Variants in GBE1 observed in about 807,000 individuals in gnomAD.
GBE1 encodes the protein 1,4-alpha-glucan-branching enzyme.
GBE1 carries 70 observed loss-of-function variants against 88.8 expected under a neutral mutation model. The ratio of observed to expected loss-of-function variants is 0.79; its 90% CI spans 0.65 to 0.96. GBE1 has a LOEUF of 0.96. GBE1 is among the 40% of genes least tolerant of loss of function. The pLI is 0.00. For synonymous variants in GBE1, 284 were observed against 300.1 expected, an observed-to-expected ratio of 0.95 and a Z score of 0.56; for missense variants, 872 against 871.0, an observed-to-expected ratio of 1.00 and a Z score of -0.01.
At chr3:81,609,386 T>C (rs376612135) in intron 7 of GBE1, among the ~76,000 whole-genome samples, 1 of 152,136 alleles carries the variant, frequency 6.6e-6, no homozygotes, top group South Asian at 2.1e-4. Context: ...GACTGGAACA[T>C]TGGTCTACAT....
intron 7 of GBE1, among the ~76,000 whole-genome samples, chr3:81,622,169 T>C (rs942882302): frequency 1.3e-5 from 2 of 152,180 alleles, no homozygotes; most frequent in Admixed American, 6.5e-5. Flanking sequence ...CACTTTCCAT[T>C]TTCTTCTTAA....
At chr3:81,671,443 T>C (rs1705188123) in intron 2 of GBE1, among the ~76,000 whole-genome samples, 1 of 152,002 alleles carries the variant, frequency 6.6e-6, no homozygotes, top group Non-Finnish European at 1.5e-5. Flanking sequence ...GAAGGTTATA[T>C]AAAGTATAGG....
At chr3:81,650,274 A>G (rs1704826752) in intron 3 of GBE1, 1 of 181,930 alleles carries the variant, frequency 5.5e-6, no homozygotes, top group Admixed American at 6.4e-5. Flanking sequence ...GGAGAAAATC[A>G]TCCTACTCCA....
chr3:81,654,494 C>A (rs1039570655), intron 3 of GBE1: 1 of 152,090 alleles, frequency 6.6e-6, no homozygotes, highest in Non-Finnish European at 1.5e-5. Context: ...TAACTGTTAG[C>A]ATATTTTGAA....
intron 1 of GBE1, among the ~76,000 whole-genome samples, chr3:81,754,756 G>A (rs767190288): frequency 6.6e-6 from 1 of 152,106 alleles, no homozygotes; most frequent in Non-Finnish European, 1.5e-5. Flanking sequence ...ATGGTGCTGG[G>A]AAAACTGGAT....
intron 14 of GBE1, among the ~76,000 whole-genome samples, chr3:81,524,168 C>CT (rs1201076109): frequency 2.0e-5 from 3 of 151,840 alleles, no homozygotes; most frequent in Non-Finnish European, 4.4e-5. Context: ...TCGTTACTGC[C>CT]TGTCTTTTGG....
intron 1 of GBE1, among the ~76,000 whole-genome samples, chr3:81,706,939 TAAAGAA>T (rs1705785103): frequency 6.6e-6 from 1 of 150,506 alleles, no homozygotes; most frequent in Non-Finnish European, 1.5e-5. Flanking sequence ...TTGAAATAAT[TAAAGAA>T]AAACAATGAA....
At chr3:81,579,905 A>C (rs1286095172) in intron 11 of GBE1, among the ~76,000 whole-genome samples, 1 of 152,168 alleles carries the variant, frequency 6.6e-6, no homozygotes, top group Non-Finnish European at 1.5e-5. Flanking sequence ...TCATTTTGGC[A>C]CAAAGGAGAA....
chr3:81,499,240 A>T lies in GBE1; in HGVS notation c.1935-13T>A. The T allele has an allele frequency of 6.8e-7, 1 of 1,464,806 alleles. No individual in the cohort carries two copies. Among genetic ancestry groups the T allele is most frequent in the Non-Finnish European group, 9.5e-7 (1 of 1,048,804 alleles). 90.7% of individuals were successfully genotyped at this position (1,464,806 alleles called of 1,614,324 possible). ...CACAATTTTGAATGTACAGCTCTTA[A>T]GGAATTCACAACAGTTGAGGAGTTG... On this transcript the variant is annotated splice_polypyrimidine_tract_variant and intron_variant, in intron 14 of 15. Transcript: ENST00000429644.
At chr3:81,605,017 T>C (rs552212699) in intron 7 of GBE1, among the ~76,000 whole-genome samples, 2 of 152,150 alleles carry the variant, frequency 1.3e-5, no homozygotes, top group African/African-American at 2.4e-5. Flanking sequence ...AAAAAAAATA[T>C]GGCCAGCCTC....
intron 2 of GBE1, among the ~76,000 whole-genome samples, chr3:81,682,295 T>A (rs1576197996): frequency 1.3e-5 from 2 of 151,982 alleles, no homozygotes; most frequent in East Asian, 3.9e-4. Flanking sequence ...AGACCCCATC[T>A]CTACAAAAAA....
In GBE1 at chr3:81,761,439, C is replaced by G. The variant is rs544656607; in HGVS notation, c.79G>C (p.Glu27Gln). The change falls in exon 1 of 16, where the codon GAA becomes CAA. Residue 27 changes from glutamate to glutamine, a missense_variant. Coordinates refer to ENST00000429644, the MANE Select transcript of GBE1 (RefSeq NM_000158.4). Reference protein sequence around the residue: ...ALNAALADVPELARLLEIDPY... With the variant: ...ALNAALADVPQLARLLEIDPY... ...TCGATCTCCAGGAGTCTGGCCAGTT[C>G]GGGCACGTCAGCCAGGGCGGCATTG... 3.1e-6 allele frequency: 5 copies of G among 1,613,536 alleles called. No individual in the cohort carries two copies. The highest frequency in any genetic ancestry group is 4.2e-6 in the Non-Finnish European group (5 of 1,179,702).
At chr3:81,631,664 T>C (rs967381610) in intron 7 of GBE1, among the ~76,000 whole-genome samples, 2 of 151,342 alleles carry the variant, frequency 1.3e-5, no homozygotes, top group Admixed American at 1.3e-4. Context: ...GGAGAATCAC[T>C]TGAACCTGGG....
At chr3:81,671,481 G>A (rs183595537) in intron 2 of GBE1, among the ~76,000 whole-genome samples, 4 of 152,216 alleles carry the variant, frequency 2.6e-5, no homozygotes, top group East Asian at 1.9e-4. Flanking sequence ...AATGCAGAAC[G>A]TGGAAGAAAG....
chr3:81,505,396 A>C (rs1702640135), intron 14 of GBE1, among the ~76,000 whole-genome samples: 1 of 152,186 alleles, frequency 6.6e-6, no homozygotes, highest in Non-Finnish European at 1.5e-5. Flanking sequence ...TCATGATTTT[A>C]GTAGTCTGAA....
chr3:81,634,317 T>C (rs955535510), intron 7 of GBE1, among the ~76,000 whole-genome samples: 1 of 152,226 alleles, frequency 6.6e-6, no homozygotes. Flanking sequence ...TCTTTATACA[T>C]GAAACTGAAA....
intron 14 of GBE1, among the ~76,000 whole-genome samples, chr3:81,503,152 A>G (rs1286614053): frequency 6.6e-6 from 1 of 152,230 alleles, no homozygotes; most frequent in African/African-American, 2.4e-5. Flanking sequence ...TTTACTAAGT[A>G]CATACAATGT....
chr3:81,588,166 A>G (rs541774815), intron 9 of GBE1, among the ~76,000 whole-genome samples: 22 of 152,102 alleles, frequency 1.4e-4, no homozygotes, highest in Admixed American at 7.2e-4. Context: ...GAATACATCC[A>G]TAAGAAAATA....
At chr3:81,524,550 T>C (rs1702918814) in intron 14 of GBE1, among the ~76,000 whole-genome samples, 1 of 151,790 alleles carries the variant, frequency 6.6e-6, no homozygotes, top group African/African-American at 2.4e-5. Context: ...ATGTCTAAGA[T>C]TTCAGTCTTT....
Sources: allele counts gnomAD v4.1 joint callset (sites outside exome capture counted in the v4.1 genomes callset), GRCh38; gene constraint gnomAD v4.1.1; transcripts MANE v1.5; gene names NCBI Gene and HGNC (gene_info 2026-07-23, HGNC 2026-07-21).